Variants in MYRIP observed in about 807,000 individuals in gnomAD.
MYRIP encodes rab effector MyRIP.
In MYRIP, 49 loss-of-function variants were observed where a neutral mutation model predicts 98.0. The ratio of observed to expected loss-of-function variants is 0.50; its 90% CI spans 0.40 to 0.63. The LOEUF is 0.63. Among genes scored for constraint, MYRIP ranks in the 30% least tolerant of loss-of-function variants. MYRIP has a pLI of 0.00. For synonymous variants in MYRIP, 404 were observed against 409.5 expected (o/e 0.99, Z 0.16); for missense variants, 1,004 against 1,058.2 (o/e 0.95, Z 0.71).
At chr3:40,256,732 T>C (rs1442989707) in intron 16 of MYRIP, among the ~76,000 whole-genome samples, 1 of 151,956 alleles carries the variant, frequency 6.6e-6, no homozygotes, top group Non-Finnish European at 1.5e-5. Context: ...TATTAAACCT[T>C]TCAAAAACAT....
At chr3:40,188,402 C>G (rs952604834) in intron 9 of MYRIP, among the ~76,000 whole-genome samples, 1 of 151,522 alleles carries the variant, frequency 6.6e-6, no homozygotes, top group Non-Finnish European at 1.5e-5. Context: ...CACACACAAA[C>G]TGGGGAATGG....
At chr3:39,821,055 CA>C (rs761772428) in intron 1 of MYRIP, among the ~76,000 whole-genome samples, 30 of 152,238 alleles carry the variant, frequency 2.0e-4, no homozygotes, top group Admixed American at 1.4e-3. Context: ...GAATGAAAAA[CA>C]AAAGACCAAA....
intron 3 of MYRIP, among the ~76,000 whole-genome samples, chr3:40,060,149 A>T (rs189933452): frequency 0.016 from 2,443 of 150,136 alleles, 28 homozygotes; most frequent in African/African-American, 0.026. Flanking sequence ...GAGTCTTTTT[A>T]AAAAAAAAAA....
At chr3:40,022,620 T>C (rs1018972178) in intron 2 of MYRIP, among the ~76,000 whole-genome samples, 1 of 152,120 alleles carries the variant, frequency 6.6e-6, no homozygotes, top group African/African-American at 2.4e-5. Context: ...GGAATGCTCG[T>C]GTGCAATGCA....
chr3:40,083,690 G>T (rs958291239), intron 3 of MYRIP, among the ~76,000 whole-genome samples: 7 of 152,018 alleles, frequency 4.6e-5, no homozygotes, highest in Admixed American at 3.9e-4. Context: ...TTACTTACAG[G>T]GAAAGATCAA....
intron 10 of MYRIP, among the ~76,000 whole-genome samples, chr3:40,191,204 T>G (rs1316243876): frequency 6.6e-6 from 1 of 152,120 alleles, no homozygotes; most frequent in East Asian, 1.9e-4. Flanking sequence ...ACACACATAC[T>G]CACACATGCA....
At chr3:40,154,444 T>C (rs1950178536) in intron 4 of MYRIP, among the ~76,000 whole-genome samples, 1 of 152,220 alleles carries the variant, frequency 6.6e-6, no homozygotes, top group African/African-American at 2.4e-5. Context: ...GCCAAAACTC[T>C]AGTGGAGAAG....
At chr3:40,146,179 T>A (rs951535449) in intron 3 of MYRIP, among the ~76,000 whole-genome samples, 1 of 152,120 alleles carries the variant, frequency 6.6e-6, no homozygotes, top group Admixed American at 6.5e-5. Context: ...ATATAAGGAA[T>A]AAAAATCAGA....
intron 3 of MYRIP, among the ~76,000 whole-genome samples, chr3:40,142,897 CACCT>C (rs1381407638): frequency 6.6e-6 from 1 of 152,234 alleles, no homozygotes; most frequent in Admixed American, 6.5e-5. Flanking sequence ...CTCTCGTACA[CACCT>C]ACTGAGGCTT....
chr3:40,118,223 T>C (rs1453998580), intron 3 of MYRIP, among the ~76,000 whole-genome samples: 1 of 108,816 alleles, frequency 9.2e-6, no homozygotes, highest in Admixed American at 1.1e-4. Flanking sequence ...TAACACTGTA[T>C]GTTGGCAGAG....
At chr3:40,173,400 T>C (rs1950668220) in intron 8 of MYRIP, 1 of 152,310 alleles carries the variant, frequency 6.6e-6, no homozygotes, top group East Asian at 1.9e-4. Context: ...CTCCTTGTCA[T>C]GCATATGGTT....
At chr3:40,182,546 G>A (rs1193596212) in intron 9 of MYRIP, among the ~76,000 whole-genome samples, 173 bp downstream of exon 9, 3 of 152,164 alleles carry the variant, frequency 2.0e-5, no homozygotes, top group Admixed American at 2.0e-4. Flanking sequence ...TATATAATGT[G>A]GTCATGTTCT....
chr3:39,941,564 A>G (rs1944786453), intron 2 of MYRIP, among the ~76,000 whole-genome samples: 1 of 151,680 alleles, frequency 6.6e-6, no homozygotes, highest in Non-Finnish European at 1.5e-5. Flanking sequence ...TTTTAAGCAA[A>G]TTGGCATTCT....
chr3:40,204,334 A>C (rs1303585028), intron 10 of MYRIP, among the ~76,000 whole-genome samples: 1 of 143,380 alleles, frequency 7.0e-6, no homozygotes, highest in African/African-American at 2.6e-5. Context: ...GGTTCAAGTG[A>C]GCACATCCAG....
intron 1 of MYRIP, among the ~76,000 whole-genome samples, chr3:39,847,379 AAG>A (rs1183475596): frequency 1.3e-5 from 2 of 152,198 alleles, no homozygotes; most frequent in Non-Finnish European, 2.9e-5. Context: ...GGAGGTAAGA[AAG>A]AGAAGAAAAC....
chr3:40,104,941 T>C (rs988618460), intron 3 of MYRIP, among the ~76,000 whole-genome samples: 18 of 152,198 alleles, frequency 1.2e-4, no homozygotes, highest in African/African-American at 4.1e-4. Context: ...TTCTCTTTTT[T>C]TCATCCCTCT....
chr3:40,151,352 C>G (rs1950115048), intron 4 of MYRIP, among the ~76,000 whole-genome samples, 168 bp downstream of exon 4: 2 of 152,342 alleles, frequency 1.3e-5, no homozygotes, highest in South Asian at 4.1e-4. Flanking sequence ...AGAGATTCTG[C>G]TAAGTTGTGA....
intron 12 of MYRIP, among the ~76,000 whole-genome samples, chr3:40,234,992 CAAAA>C (rs34515561): frequency 4.5e-5 from 5 of 111,574 alleles, no homozygotes; most frequent in Admixed American, 1.8e-4. Flanking sequence ...GACCCTGTCT[CAAAA>C]AAAAAAAAAA....
rs148980449 is a variant in MYRIP, at chr3:40,163,360, T to C, written c.550+550T>C. ...TACTCTCTATTCTCTCTTTGGGGGCTGTGATAGTTAATTTTATGTGTCAAC... is the reference window on the plus strand; with the variant it reads ...TACTCTCTATTCTCTCTTTGGGGGCCGTGATAGTTAATTTTATGTGTCAAC... On this transcript the variant is annotated intron_variant, in intron 5 of 16. Coordinates refer to ENST00000302541, the MANE Select transcript of MYRIP (RefSeq NM_015460.4). Among the ~76,000 whole-genome samples the C allele has an allele frequency of 3.2e-4, 49 of 152,348 alleles. No homozygotes were observed. The East Asian group carries it at 7.7e-3, about 24-fold the overall frequency.
Sources: allele counts gnomAD v4.1 joint callset (sites outside exome capture counted in the v4.1 genomes callset), GRCh38; gene constraint gnomAD v4.1.1; transcripts MANE v1.5; gene names NCBI Gene and HGNC (gene_info 2026-07-23, HGNC 2026-07-21).